ABCA13: variants seen among roughly 807,000 people sequenced by gnomAD.
The protein encoded by ABCA13 is ATP binding cassette subfamily A member 13, also known as ATP-binding cassette sub-family A member 13.
In ABCA13, 476 loss-of-function variants were observed where a neutral mutation model predicts 478.7. The observed-to-expected ratio is 0.99, with a 90% CI of 0.92 to 1.07. The LOEUF is 1.07. Ranked by LOEUF, ABCA13 falls within the 50% of genes least tolerant of loss-of-function variation. The pLI, the probability that ABCA13 is intolerant of heterozygous loss-of-function variation, is 0.00. For missense variants in ABCA13, 6,060 were observed against 5,910.6 expected, an observed-to-expected ratio of 1.03 and a Z score of -0.83; for synonymous variants, 2,252 against 2,158.9, an observed-to-expected ratio of 1.04 and a Z score of -1.20.
At chr7:48,408,350 G>A (rs563649641) in intron 39 of ABCA13, among the ~76,000 whole-genome samples, 2 of 152,164 alleles carry the variant, frequency 1.3e-5, no homozygotes, top group Admixed American at 1.3e-4. Context: ...GTATGGGAAT[G>A]TATCATCTGA....
At chr7:48,291,586 A>G (rs56141508) in intron 20 of ABCA13, among the ~76,000 whole-genome samples, 19,797 of 152,060 alleles carry the variant, frequency 0.13, 1,356 homozygotes, top group South Asian at 0.17. Context: ...CCTGCCATGC[A>G]ATGTCCGCTT....
At position 48,642,118 on chromosome 7, in the gene ABCA13, G is replaced by A. The variant is rs1234234766; in HGVS notation, c.14838-1170G>A. On this transcript the variant is annotated intron_variant, in intron 59 of 61. Coordinates refer to ENST00000435803, the MANE Select transcript of ABCA13 (RefSeq NM_152701.5). ...AACTCGAATGATGGGAGGCTACTGTGGCCATGCACAGACCTCAGAGGGAAG... is the reference window on the plus strand; with the variant it reads ...AACTCGAATGATGGGAGGCTACTGTAGCCATGCACAGACCTCAGAGGGAAG... 3.3e-5 allele frequency among the ~76,000 whole-genome samples: 5 copies of A among 152,148 alleles called. No individual in the cohort carries two copies. The East Asian group carries it at 9.6e-4, about 29-fold the overall frequency.
At chr7:48,581,101 C>T (rs1382435329) in intron 56 of ABCA13, among the ~76,000 whole-genome samples, 1 of 152,114 alleles carries the variant, frequency 6.6e-6, no homozygotes, top group East Asian at 1.9e-4. Context: ...CTTTTCTGCA[C>T]CTCATTATAG....
Position 48,386,391 on chromosome 7 carries a change from A to G in ABCA13, c.11336-1431A>G, listed in dbSNP as rs114881594. ...CACAGAACTAGAAAAAAATGTTTCA[A>G]AATTCACATGGAACTAAAAAGGAGC... On this transcript the variant is annotated intron_variant, in intron 35 of 61. Transcript: ENST00000435803. Among the ~76,000 whole-genome samples the G allele has an allele frequency of 6.0e-3, 907 of 152,348 alleles. 4 individuals are homozygous for G. Among genetic ancestry groups the G allele is most frequent in the African/African-American group, 0.021 (862 of 41,584 alleles).
chr7:48,627,477 G>T (rs1793773683), intron 59 of ABCA13, among the ~76,000 whole-genome samples: 1 of 152,050 alleles, frequency 6.6e-6, no homozygotes. Flanking sequence ...CTGGTTTGAT[G>T]AAATAAAAGA....
At chr7:48,614,146 ATTCTT>A (rs964883164) in intron 58 of ABCA13, among the ~76,000 whole-genome samples, 1 of 150,730 alleles carries the variant, frequency 6.6e-6, no homozygotes, top group African/African-American at 2.4e-5. Flanking sequence ...CAAAATATCC[ATTCTT>A]TTCTTTTCTT....
At chr7:48,534,431 T>A (rs1032640211) in intron 55 of ABCA13, among the ~76,000 whole-genome samples, 6 of 152,216 alleles carry the variant, frequency 3.9e-5, no homozygotes, top group Non-Finnish European at 7.3e-5. Flanking sequence ...TTACTTTAGA[T>A]AACCTGATAA....
intron 57 of ABCA13, among the ~76,000 whole-genome samples, chr7:48,592,306 A>T (rs1285839649): frequency 6.6e-6 from 1 of 151,596 alleles, no homozygotes; most frequent in Non-Finnish European, 1.5e-5. Context: ...TGTATTTTTT[A>T]AAATTTTCTT....
chr7:48,298,391 G>C lies in ABCA13; in HGVS notation c.9225G>C (p.Lys3075Asn), dbSNP rs1799697466. ...ATGTAAAAATAAAAGATTTGATGAAGAATATCACCAAGTTGACTGAGGAGC... is the reference window on the plus strand; with the variant it reads ...ATGTAAAAATAAAAGATTTGATGAACAATATCACCAAGTTGACTGAGGAGC... ...TEDVKIKDLMKNITKLTEELR... is the reference protein window; with the variant it reads ...TEDVKIKDLMNNITKLTEELR... The change falls in exon 23 of 62, where the codon AAG becomes AAC. Residue 3075 changes from lysine (K) to asparagine (N), a missense_variant. By Grantham distance (94) the Lys-to-Asn change is moderately conservative (BLOSUM62 0). Coordinates refer to ENST00000435803, the MANE Select transcript of ABCA13 (RefSeq NM_152701.5). 13 of 1,610,950 alleles carry C rather than the reference G, an allele frequency of 8.1e-6. No homozygotes were observed. Among genetic ancestry groups the C allele is most frequent in the Non-Finnish European group, 1.1e-5 (13 of 1,178,276 alleles).
In ABCA13 at chr7:48,557,745, A is replaced by G. The variant is rs549660132; in HGVS notation, c.14355-22479A>G. Among the ~76,000 whole-genome samples, 4 of 152,304 alleles carry G rather than the reference A, an allele frequency of 2.6e-5. No homozygotes were observed. In the South Asian group the frequency reaches 6.2e-4, roughly 24 times the overall value. ...AAAAGTAATCACGGTTTTTGACATT[A>G]AAAGTAATTACTTTTGGCAATTAAA... On this transcript the variant is annotated intron_variant, in intron 55 of 61. Coordinates refer to ENST00000435803, the MANE Select transcript of ABCA13 (RefSeq NM_152701.5).
At chr7:48,331,628 T>C (rs1266945739) in intron 27 of ABCA13, among the ~76,000 whole-genome samples, 1 of 152,236 alleles carries the variant, frequency 6.6e-6, no homozygotes. Context: ...CATGGAAAGA[T>C]CGGTGTACCC....
chr7:48,523,850 A>G (rs1187048318), intron 53 of ABCA13, among the ~76,000 whole-genome samples: 1 of 152,176 alleles, frequency 6.6e-6, no homozygotes, highest in Non-Finnish European at 1.5e-5. Flanking sequence ...ATGTTTCAGT[A>G]CTTTTATATA....
chr7:48,463,929 A>G (rs890035319), intron 43 of ABCA13, among the ~76,000 whole-genome samples: 1 of 151,980 alleles, frequency 6.6e-6, no homozygotes, highest in African/African-American at 2.4e-5. Context: ...GTGTTTCTCA[A>G]GGTTGGTTTG....
At chr7:48,190,116 G>A (rs567839518) in intron 1 of ABCA13, among the ~76,000 whole-genome samples, 1 of 152,278 alleles carries the variant, frequency 6.6e-6, no homozygotes, top group South Asian at 2.1e-4. Flanking sequence ...TGCAATCAGA[G>A]TAAATGATAA....
chr7:48,628,305 T>C (rs1047984475), intron 59 of ABCA13, among the ~76,000 whole-genome samples: 2 of 152,214 alleles, frequency 1.3e-5, no homozygotes, highest in Non-Finnish European at 1.5e-5. Flanking sequence ...CGAAGAGTTA[T>C]AGTAAGAAGA....
chr7:48,504,938 T>TA (rs1246124671), intron 48 of ABCA13, among the ~76,000 whole-genome samples: 2 of 151,972 alleles, frequency 1.3e-5, no homozygotes, highest in East Asian at 3.9e-4. Context: ...GAAAGACACA[T>TA]AGGAGAAAGA....
intron 58 of ABCA13, 76 bp downstream of exon 58, chr7:48,594,889 T>C (rs1394688962): frequency 1.7e-6 from 2 of 1,195,330 alleles, no homozygotes. Flanking sequence ...TTTAGGTACC[T>C]GCACAGTGTT....
At chr7:48,364,103 T>C (rs978230927) in intron 31 of ABCA13, among the ~76,000 whole-genome samples, 1 of 149,728 alleles carries the variant, frequency 6.7e-6, no homozygotes, top group African/African-American at 2.4e-5. Flanking sequence ...AGGGTCCTGG[T>C]GGTGGTGAGG....
intron 27 of ABCA13, among the ~76,000 whole-genome samples, chr7:48,318,632 C>T (rs1025028180): frequency 1.3e-4 from 19 of 151,952 alleles, no homozygotes; most frequent in Non-Finnish European, 2.4e-4. Context: ...CATTGATCTC[C>T]GTATATCCTC....
Sources: gnomAD v4.1 joint callset for allele counts (sites outside exome capture counted in the v4.1 genomes callset) on GRCh38, gnomAD v4.1.1 for gene constraint, MANE v1.5 for transcripts, NCBI Gene and HGNC (gene_info 2026-07-23, HGNC 2026-07-21) for gene names.